Variants in NYX observed in about 807,000 individuals in gnomAD.
NYX encodes the protein leucine-rich repeat protein.
For missense variants in NYX, 481 were observed against 485.4 expected (o/e 0.99, Z 0.09); for synonymous variants, 258 against 245.7 (o/e 1.05, Z -0.47).
At chrX:41,463,422 CT>C (rs58958947) in intron 2 of NYX, among the ~76,000 whole-genome samples, 76 of 95,943 alleles carry the variant, frequency 7.9e-4, no homozygotes, top group Admixed American at 2.0e-3. Context: ...ATAGTAGTCT[CT>C]TTTTTTTTTT....
In NYX at chrX:41,474,095, G is replaced by A. The variant is rs1230903234; in HGVS notation, c.627G>A (p.Gln209=). The A allele has an allele frequency of 9.1e-7, 1 of 1,100,539 alleles. No individual in the cohort carries two copies. Among genetic ancestry groups the A allele is most frequent in the Non-Finnish European group, 1.2e-6 (1 of 846,865 alleles). The allele number at this position is 1,100,539 out of a possible 1,213,427, so 90.7% of individuals were successfully genotyped here. A position where few individuals can be genotyped will look rare whatever the true frequency, so the allele number is the denominator to read the frequency against. Residue 209 remains glutamine, a synonymous_variant, in exon 3 of 3, where the codon CAG becomes CAA. Coordinates refer to ENST00000378220, the MANE Select transcript of NYX (RefSeq NM_001378477.3). ...GCCGCCTGCGCTCGCTCAGCCTGCA[G>A]GCCAACCGCGTCCGTGCCGTGCACG... is the stretch of plus-strand genomic sequence containing the variant. The part of the protein sequence containing the change: ...GLRRLRSLSL[Q]ANRVRAVHAG...
At position 41,456,934 on chromosome X, in the gene NYX, G is replaced by A. The variant is rs1429770614; in HGVS notation, c.22+9008G>A. On this transcript the variant is annotated intron_variant, in intron 2 of 2. Coordinates refer to ENST00000378220, the MANE Select transcript of NYX (RefSeq NM_001378477.3). Reference sequence around the variant, plus strand: ...TTGAACCCAACTCCCCAAGATGATGGTATTAGGAGGTGGCGCCTTTAGGAG... The same window carrying A: ...TTGAACCCAACTCCCCAAGATGATGATATTAGGAGGTGGCGCCTTTAGGAG... 2.8e-4 allele frequency among the ~76,000 whole-genome samples: 31 copies of A among 111,509 alleles called. No individual in the cohort carries two copies. The Admixed American group carries it at 3.0e-3, about 11-fold the overall frequency.
rs772547248 is a variant in NYX at position 41,473,910 on chromosome X, C to T, written c.442C>T (p.Arg148Cys). ...AACRLFSVPERLLAELPALRE... is the reference protein window; with the variant it reads ...AACRLFSVPECLLAELPALRE... ...CTGCCGCCTCTTCAGCGTGCCCGAG[C>T]GCCTCCTGGCCGAACTGCCGGCCCT... The change falls in exon 3 of 3, where the codon CGC (arginine) becomes TGC (cysteine). Residue 148 changes from arginine (R) to cysteine (C), a missense_variant. Physicochemically the swap from Arg to Cys is radical, Grantham distance 180 (BLOSUM62 -3). Coordinates refer to ENST00000378220, the MANE Select transcript of NYX (RefSeq NM_001378477.3). 9 of 1,123,332 alleles carry T rather than the reference C, an allele frequency of 8.0e-6. No individual in the cohort carries two copies. In the South Asian group the frequency reaches 1.2e-4, roughly 15 times the overall value. The allele number at this position is 1,123,332 out of a possible 1,213,427, so 92.6% of individuals were successfully genotyped here. A position where few individuals can be genotyped will look rare whatever the true frequency, so the allele number is the denominator to read the frequency against.
At chrX:41,459,194 T>C (rs2064309288) in intron 2 of NYX, among the ~76,000 whole-genome samples, 1 of 112,177 alleles carries the variant, frequency 8.9e-6, no homozygotes, top group Non-Finnish European at 1.9e-5. Context: ...AGATAACATA[T>C]GTTACCACAG....
intron 2 of NYX, among the ~76,000 whole-genome samples, chrX:41,460,985 T>C (rs2064317368): frequency 1.9e-5 from 2 of 104,886 alleles, no homozygotes; most frequent in Middle Eastern, 4.8e-3. Flanking sequence ...CATTCCTTTT[T>C]TTTTTGGCAA....
In NYX at chrX:41,454,615, C is replaced by CT. The variant is rs35587922; in HGVS notation, c.22+6698dup. Among the ~76,000 whole-genome samples the CT allele has an allele frequency of 9.2e-3, 981 of 106,470 alleles. 14 individuals carry two copies. The highest frequency in any genetic ancestry group is 0.031 in the African/African-American group (912 of 29,197). The allele number at this position is 106,470 out of a possible 115,157, so 92.5% of individuals were successfully genotyped here. ...TGTGAGCCACTGCGCCCGGCTGATC[C>CT]TTTTTTTTTAAGATGGGCTCTCACT... On this transcript the variant is annotated intron_variant, in intron 2 of 2. Transcript: ENST00000378220.
chrX:41,454,764 G>A (rs866110034), intron 2 of NYX, among the ~76,000 whole-genome samples: 2 of 110,839 alleles, frequency 1.8e-5, no homozygotes, highest in Middle Eastern at 9.2e-3. Flanking sequence ...GCATCACCAC[G>A]CCTGGCTAAT....
Position 41,473,960 on chromosome X carries a change from C to T in NYX, c.492C>T (p.Asn164=), listed in dbSNP as rs1419641622. 1 of 1,095,537 alleles carries T rather than the reference C, an allele frequency of 9.1e-7. No homozygotes were observed. The highest frequency in any genetic ancestry group is 4.1e-5 in the East Asian group (1 of 24,293). The allele number at this position is 1,095,537 out of a possible 1,213,427, so 90.3% of individuals were successfully genotyped here. A position where few individuals can be genotyped will look rare whatever the true frequency, so the allele number is the denominator to read the frequency against. Residue 164 remains asparagine, a synonymous_variant, in exon 3 of 3, where the codon AAC becomes AAT. Coordinates refer to ENST00000378220, the MANE Select transcript of NYX (RefSeq NM_001378477.3). ...PALRELAAFD[N]LFRRVPGALR... is the part of the protein sequence containing the mutation. ...TGCGCGAACTCGCCGCCTTCGACAA[C>T]CTGTTCCGCCGCGTGCCGGGCGCGC...
chrX:41,449,810 T>C (rs1235817219), intron 2 of NYX, among the ~76,000 whole-genome samples: 1 of 111,610 alleles, frequency 9.0e-6, no homozygotes, highest in Non-Finnish European at 1.9e-5. Flanking sequence ...TTGCTAACAA[T>C]AGATGCACTT....
At position 41,474,247 on chromosome X, in the gene NYX, C is replaced by T; in HGVS notation, c.779C>T (p.Ala260Val). 8.3e-7 allele frequency: 1 copy of T among 1,202,245 alleles called. No homozygotes were observed. The highest frequency in any genetic ancestry group is 1.1e-6 in the Non-Finnish European group (1 of 894,555). ...CGCACGCTCAACCTGGGTGGCAACGCGCTGGACCGCGTGGCGCGCGCCTGG... is the reference window on the plus strand; with the variant it reads ...CGCACGCTCAACCTGGGTGGCAACGTGCTGGACCGCGTGGCGCGCGCCTGG... ...RLRTLNLGGN[A>V]LDRVARAWFA... The change falls in exon 3 of 3, where the codon GCG becomes GTG. Residue 260 changes from alanine to valine, a missense_variant. Physicochemically the swap from Ala to Val is moderately conservative, Grantham distance 64. Coordinates refer to ENST00000378220, the MANE Select transcript of NYX (RefSeq NM_001378477.3).
chrX:41,451,975 G>A (rs1035091731), intron 2 of NYX, among the ~76,000 whole-genome samples: 2 of 109,801 alleles, frequency 1.8e-5, no homozygotes, highest in Non-Finnish European at 3.8e-5. Context: ...TTTTGCTGTT[G>A]CTGTTGTTGT....
intron 2 of NYX, among the ~76,000 whole-genome samples, chrX:41,448,305 C>G (rs1005418492): frequency 9.0e-6 from 1 of 110,911 alleles, no homozygotes; most frequent in Admixed American, 9.6e-5. Context: ...TACAGTGGTG[C>G]GACCTCGGCA....
Position 41,472,511 on chromosome X carries a change from T to C in NYX, c.23-980T>C, listed in dbSNP as rs1455897934. ...CTGCTTCTGGGATTCCAAGGATTCT[T>C]GAGCTATGGAACACTCCTGGATTTC... On this transcript the variant is annotated intron_variant, in intron 2 of 2. Coordinates refer to ENST00000378220, the MANE Select transcript of NYX (RefSeq NM_001378477.3). The C allele has an allele frequency of 2.0e-5, 13 of 640,143 alleles. No homozygotes were observed. The Admixed American group carries it at 3.2e-4, about 16-fold the overall frequency. The allele number at this position is 640,143 out of a possible 1,213,427, so 52.8% of individuals were successfully genotyped here. A position where few individuals can be genotyped will look rare whatever the true frequency, so the allele number is the denominator to read the frequency against.
intron 1 of NYX, 124 bp from the exon 2 acceptor site, chrX:41,447,725 C>A: frequency 1.9e-6 from 1 of 526,346 alleles, no homozygotes; most frequent in South Asian, 2.6e-5. Flanking sequence ...ACACCAGGGT[C>A]ATTAAGAAGG....
At chrX:41,461,021 AT>A (rs1430563350) in intron 2 of NYX, among the ~76,000 whole-genome samples, 17 of 97,889 alleles carry the variant, frequency 1.7e-4, no homozygotes, top group African/African-American at 6.4e-4. Flanking sequence ...TTTCTCTTTC[AT>A]TTTTTAAAAT....
rs1213488892 is a variant in NYX, at chrX:41,470,712, A to AAAAAAT, written c.23-2778_23-2777insAAAATA. Reference sequence around the variant, plus strand: ...TCTGTCTCAAAAAAAAAAAAAAAAAAATCATTGATGCAGTATTTTACTCTT... The same window carrying AAAAAAT: ...TCTGTCTCAAAAAAAAAAAAAAAAAAAAAAATATCATTGATGCAGTATTTTACTCTT... On this transcript the variant is annotated intron_variant, in intron 2 of 2. Coordinates refer to ENST00000378220, the MANE Select transcript of NYX (RefSeq NM_001378477.3). 1.4e-3 allele frequency among the ~76,000 whole-genome samples: 153 copies of AAAAAAT among 109,608 alleles called. 1 individual carries two copies. The highest frequency in any genetic ancestry group is 4.7e-3 in the Middle Eastern group (1 of 211).
intron 2 of NYX, among the ~76,000 whole-genome samples, chrX:41,448,640 C>T (rs1294850055): frequency 2.1e-5 from 2 of 95,858 alleles, no homozygotes; most frequent in African/African-American, 7.8e-5. Flanking sequence ...CTCACTGCAA[C>T]CTCCGCCTCC....
At chrX:41,449,955 G>C (rs1220877469) in intron 2 of NYX, among the ~76,000 whole-genome samples, 2 of 111,250 alleles carry the variant, frequency 1.8e-5, no homozygotes, top group African/African-American at 6.5e-5. Flanking sequence ...CAGGGATAGT[G>C]CTCTACCTCC....
intron 2 of NYX, among the ~76,000 whole-genome samples, chrX:41,470,209 G>T (rs933344507): frequency 9.1e-6 from 1 of 109,885 alleles, no homozygotes; most frequent in African/African-American, 3.3e-5. Context: ...CTCAATGGGG[G>T]TGTTCAGGAA....
Sources: gnomAD v4.1 joint callset for allele counts (sites outside exome capture counted in the v4.1 genomes callset) on GRCh38, gnomAD v4.1.1 for gene constraint, MANE v1.5 for transcripts, NCBI Gene and HGNC (gene_info 2026-07-23, HGNC 2026-07-21) for gene names.